Variants in E2F3 observed in about 807,000 individuals in gnomAD.
E2F3 encodes E2F transcription factor 3.
A neutral mutation model predicts 44.4 loss-of-function variants in E2F3; 11 were observed. That is an observed-to-expected ratio of 0.25 (90% CI 0.16 to 0.41). E2F3 has a LOEUF of 0.41. Ranked by LOEUF, E2F3 falls within the 10% of genes least tolerant of loss-of-function variation. The pLI, the probability that E2F3 is intolerant of heterozygous loss-of-function variation, is 1.00. For synonymous variants in E2F3, 249 were observed against 253.0 expected (o/e 0.98, Z 0.15); for missense variants, 487 against 583.6 (o/e 0.83, Z 1.70).
At chr6:20,419,247 A>G (rs2127589080) in intron 1 of E2F3, among the ~76,000 whole-genome samples, 1 of 152,244 alleles carries the variant, frequency 6.6e-6, no homozygotes, top group East Asian at 1.9e-4. Flanking sequence ...CATTTTAACT[A>G]TTGCTATTAT....
intron 4 of E2F3, 60 bp from the exon 5 acceptor site, chr6:20,486,629 T>A (rs1007233624): frequency 4.3e-6 from 4 of 932,866 alleles, no homozygotes; most frequent in Non-Finnish European, 6.8e-6. Flanking sequence ...ATCTATTTTG[T>A]CATTTTCATC....
chr6:20,469,943 G>A (rs902374852), intron 1 of E2F3, among the ~76,000 whole-genome samples: 5 of 152,096 alleles, frequency 3.3e-5, no homozygotes, highest in Non-Finnish European at 7.3e-5. Context: ...AGGTAACCTC[G>A]TCAATGACAG....
intron 1 of E2F3, among the ~76,000 whole-genome samples, chr6:20,479,110 T>C (rs1403969014): frequency 2.0e-5 from 3 of 152,186 alleles, no homozygotes; most frequent in African/African-American, 7.2e-5. Context: ...TTGCTAGGCT[T>C]GATAAGAAAA....
At chr6:20,428,229 T>A (rs905583128) in intron 1 of E2F3, among the ~76,000 whole-genome samples, 1 of 151,306 alleles carries the variant, frequency 6.6e-6, no homozygotes, top group Non-Finnish European at 1.5e-5. Flanking sequence ...TTTTTTATTT[T>A]TTTTTATTTT....
intron 1 of E2F3, chr6:20,437,811 G>C (rs527721097): frequency 5.3e-5 from 8 of 152,204 alleles, no homozygotes; most frequent in Non-Finnish European, 1.2e-4. Context: ...TCCTTTAACT[G>C]GTTAGGAAGC....
chr6:20,458,951 GT>G (rs35483081), intron 1 of E2F3, among the ~76,000 whole-genome samples: 133,161 of 152,110 alleles, frequency 0.88, 58,465 homozygotes, highest in East Asian at 0.94. Context: ...TTCCACAGTT[GT>G]TTTTTTTCTT....
intron 1 of E2F3, among the ~76,000 whole-genome samples, chr6:20,438,397 G>A (rs998888117): frequency 6.6e-6 from 1 of 152,012 alleles, no homozygotes; most frequent in Non-Finnish European, 1.5e-5. Context: ...TTTTCTGTTA[G>A]GAGTTACAAT....
chr6:20,465,626 A>G (rs1761676295), intron 1 of E2F3, among the ~76,000 whole-genome samples: 1 of 152,132 alleles, frequency 6.6e-6, no homozygotes, highest in Non-Finnish European at 1.5e-5. Context: ...TGCGTCCCCA[A>G]AGTCCATTGT....
At chr6:20,472,756 G>A (rs555624667) in intron 1 of E2F3, among the ~76,000 whole-genome samples, 4 of 152,266 alleles carry the variant, frequency 2.6e-5, no homozygotes, top group African/African-American at 7.2e-5. Context: ...TGCAAGCTGG[G>A]TGTAATAATA....
chr6:20,451,742 G>T (rs1323674155), intron 1 of E2F3, among the ~76,000 whole-genome samples: 1 of 152,116 alleles, frequency 6.6e-6, no homozygotes, highest in African/African-American at 2.4e-5. Flanking sequence ...CATTCAATAT[G>T]TAGTTTACTG....
intron 1 of E2F3, among the ~76,000 whole-genome samples, chr6:20,462,274 T>A (rs950837331): frequency 6.6e-6 from 1 of 152,288 alleles, no homozygotes; most frequent in African/African-American, 2.4e-5. Flanking sequence ...TGTATGTAGT[T>A]TGAGGGATCC....
At chr6:20,455,621 G>A (rs1017756892) in intron 1 of E2F3, among the ~76,000 whole-genome samples, 3 of 152,196 alleles carry the variant, frequency 2.0e-5, no homozygotes, top group African/African-American at 4.8e-5. Context: ...GCTGAAGAGA[G>A]AGTCGAAGAT....
At chr6:20,405,851 GTAGGAAATTTATC>G (rs1236918850) in intron 1 of E2F3, among the ~76,000 whole-genome samples, 5 of 152,108 alleles carry the variant, frequency 3.3e-5, no homozygotes, top group African/African-American at 9.7e-5. Context: ...CTGGGAGGGT[GTAGGAAATTTATC>G]TAGTCAATGC....
At chr6:20,407,922 GGTGGTAAAAGCAAGGTAAAAC>G (rs1201454063) in intron 1 of E2F3, among the ~76,000 whole-genome samples, 4 of 152,236 alleles carry the variant, frequency 2.6e-5, no homozygotes, top group Non-Finnish European at 5.9e-5. Flanking sequence ...CCACCTGAAA[GGTGGTAAAAGCAAGGTAAAAC>G]GTGGTGAAAG....
chr6:20,412,422 G>A (rs1319289694), intron 1 of E2F3, among the ~76,000 whole-genome samples: 3 of 152,090 alleles, frequency 2.0e-5, no homozygotes, highest in Admixed American at 6.6e-5. Flanking sequence ...TGGTGGAAAG[G>A]GAAGATTGGG....
At chr6:20,442,194 G>A (rs773989922) in intron 1 of E2F3, among the ~76,000 whole-genome samples, 1 of 152,158 alleles carries the variant, frequency 6.6e-6, no homozygotes, top group Non-Finnish European at 1.5e-5. Flanking sequence ...CTCTGGCTGA[G>A]GGAGTCAGGG....
intron 1 of E2F3, among the ~76,000 whole-genome samples, chr6:20,428,563 C>G (rs1486392657): frequency 6.6e-6 from 1 of 152,108 alleles, no homozygotes; most frequent in Non-Finnish European, 1.5e-5. Context: ...TAATGACTTA[C>G]CTCTCAGGGT....
chr6:20,417,236 T>C (rs1022370792), intron 1 of E2F3, among the ~76,000 whole-genome samples: 25 of 152,120 alleles, frequency 1.6e-4, no homozygotes, highest in Admixed American at 1.5e-3. Context: ...GAAAAGTAAA[T>C]GAAATGAGAG....
At chr6:20,465,649 C>T (rs1761677145) in intron 1 of E2F3, among the ~76,000 whole-genome samples, 1 of 152,180 alleles carries the variant, frequency 6.6e-6, no homozygotes, top group African/African-American at 2.4e-5. Flanking sequence ...CATTCTTATG[C>T]CTTTGCATCC....
Sources: gnomAD v4.1 joint callset for allele counts (sites outside exome capture counted in the v4.1 genomes callset) on GRCh38, gnomAD v4.1.1 for gene constraint, MANE v1.5 for transcripts, NCBI Gene and HGNC (gene_info 2026-07-23, HGNC 2026-07-21) for gene names.